The following PKM variants were observed in gnomAD, a reference collection of about 807,000 sequenced individuals.
PKM encodes pyruvate kinase M1/2, also known as pyruvate kinase PKM.
In PKM, 18 loss-of-function variants were observed where a neutral mutation model predicts 49.8. The observed-to-expected ratio is 0.36, with a 90% CI of 0.25 to 0.54. The LOEUF (loss-of-function observed/expected upper bound fraction) is 0.54. Among genes scored for constraint, PKM ranks in the 20% least tolerant of loss-of-function variants. PKM has a pLI of 0.89. For missense variants in PKM, 508 were observed against 713.8 expected, an observed-to-expected ratio of 0.71 and a Z score of 3.28; for synonymous variants, 239 against 261.8, an observed-to-expected ratio of 0.91 and a Z score of 0.84.
chr15:72,205,189 C>A (rs1373549495), intron 8 of PKM, among the ~76,000 whole-genome samples: 1 of 152,054 alleles, frequency 6.6e-6, no homozygotes, highest in Non-Finnish European at 1.5e-5. Flanking sequence ...TCTTGGCTCA[C>A]TGCAACCTCA....
Position 72,206,852 on chromosome 15 carries a change from C to T in PKM, c.1016G>A (p.Arg339His), listed in dbSNP as rs2959910. ...QMLESMIKKP[R>H]PTRAEGSDVA... ...ATCACTGCCTTCAGCCCGAGTGGGG[C>T]GGGGCTTCTTGATCATGCTCTCCAG... The change falls in exon 8 of 11, where the codon CGC (arginine) becomes CAC (histidine). Residue 339 changes from arginine (R) to histidine (H), a missense_variant. Transcript: ENST00000335181. The T allele has an allele frequency of 3.7e-6, 6 of 1,614,132 alleles. No homozygotes were observed. The Admixed American group carries it at 5.0e-5, about 13-fold the overall frequency.
At chr15:72,217,652 C>A (rs1363113028) in intron 2 of PKM, 152 bp from the exon 3 acceptor site, 2 of 648,308 alleles carry the variant, frequency 3.1e-6, no homozygotes, top group Non-Finnish European at 5.6e-6. Context: ...AAGGCTACTA[C>A]CGTGCCAGCT....
chr15:72,206,553 G>T (rs754414574), intron 8 of PKM, 175 bp downstream of exon 8: 2 of 550,784 alleles, frequency 3.6e-6, no homozygotes, highest in Non-Finnish European at 6.3e-6. Flanking sequence ...CAGAACAGGA[G>T]AAAAAAAAAA....
At chr15:72,226,067 ACC>A (rs1323631058) in intron 1 of PKM, among the ~76,000 whole-genome samples, 3 of 152,232 alleles carry the variant, frequency 2.0e-5, no homozygotes, top group Non-Finnish European at 4.4e-5. Flanking sequence ...AAAGAGGGAT[ACC>A]CAGATAGTTT....
intron 1 of PKM, among the ~76,000 whole-genome samples, chr15:72,222,772 C>T (rs970003839): frequency 6.6e-6 from 1 of 152,160 alleles, no homozygotes; most frequent in African/African-American, 2.4e-5. Flanking sequence ...TCCTCAGAGC[C>T]ATGTCTCCTC....
At chr15:72,214,781 C>T (rs542378250) in intron 3 of PKM, among the ~76,000 whole-genome samples, 1 of 152,038 alleles carries the variant, frequency 6.6e-6, no homozygotes, top group South Asian at 2.1e-4. Context: ...GATGACAGAG[C>T]GAGACTCCCT....
intron 8 of PKM, among the ~76,000 whole-genome samples, chr15:72,205,663 CA>C (rs2082057895): frequency 9.4e-6 from 1 of 106,102 alleles, no homozygotes; most frequent in African/African-American, 3.8e-5. Flanking sequence ...TTTCTGGTGG[CA>C]GGGGGTGGCG....
At chr15:72,209,036 CA>C (rs1380768167) in intron 5 of PKM, 145 bp from the exon 6 acceptor site, 5 of 832,430 alleles carry the variant, frequency 6.0e-6, no homozygotes, top group Non-Finnish European at 9.8e-6. Context: ...AAACCTACTA[CA>C]CTGTGTAATC....
intron 5 of PKM, chr15:72,209,400 T>C (rs1197774200): frequency 0.077 from 372 of 4,848 alleles, 3 homozygotes; most frequent in African/African-American, 0.11. Context: ...GAAACAAATA[T>C]ATATATATAT....
intron 8 of PKM, chr15:72,204,008 A>C (rs760555791): frequency 2.0e-5 from 3 of 152,250 alleles, no homozygotes; most frequent in Non-Finnish European, 2.9e-5. Context: ...ATCTCAGTAA[A>C]TGATGGGTGA....
chr15:72,200,570 G>T lies in PKM; in HGVS notation c.1393C>A (p.Leu465Met), dbSNP rs756647275. 4.3e-6 allele frequency: 7 copies of T among 1,613,928 alleles called. No individual in the cohort carries two copies. The Admixed American group carries it at 1.2e-4, about 27-fold the overall frequency. ...AGCACAGGGAAGATGCCACGGTACA[G>T]GTGGGCCTGACGAGCTGTCTGGGGA... is the stretch of plus-strand genomic sequence containing the variant. Reference protein sequence around the residue: ...RNPQTARQAHLYRGIFPVLCK... With the variant: ...RNPQTARQAHMYRGIFPVLCK... Residue 465 changes from leucine (L) to methionine (M), a missense_variant, in exon 10 of 11, where the codon CTG becomes ATG. Leu to Met is a conservative substitution (Grantham distance 15). Transcript: ENST00000335181. The surrounding 1 kb of genome is among the most constrained non-coding windows in gnomAD (Gnocchi z 4.6).
rs769952543 is a variant in PKM, at chr15:72,199,388, C to T, written c.*262G>A. On this transcript the variant is annotated 3_prime_UTR_variant, in exon 11 of 11. Transcript: ENST00000335181. ...GCTGTCACCCTCTTGCCATCTGGCT[C>T]CAGGGGCCTCCAGTCCAGCATTCCT... is the stretch of plus-strand genomic sequence containing the variant. 3.6e-5 allele frequency: 24 copies of T among 663,202 alleles called. 1 individual carries two copies. The South Asian group carries it at 3.6e-4, about 10-fold the overall frequency. The allele number at this position is 663,202 out of a possible 1,614,324, so 41.1% of individuals were successfully genotyped here.
intron 8 of PKM, among the ~76,000 whole-genome samples, chr15:72,205,566 G>C (rs764761349): frequency 8.0e-5 from 12 of 150,648 alleles, no homozygotes; most frequent in Non-Finnish European, 1.3e-4. Context: ...TTTAAGCCCA[G>C]TAACAGGATA....
intron 1 of PKM, among the ~76,000 whole-genome samples, chr15:72,224,511 G>A (rs1196329382): frequency 2.6e-5 from 4 of 151,978 alleles, no homozygotes; most frequent in Admixed American, 6.6e-5. Context: ...TCTATGTTAC[G>A]AATTAAAGAA....
intron 8 of PKM, among the ~76,000 whole-genome samples, chr15:72,204,728 G>A (rs1369654200): frequency 6.6e-6 from 1 of 152,196 alleles, no homozygotes; most frequent in Non-Finnish European, 1.5e-5. Flanking sequence ...TTTTACAGAT[G>A]AGGTCTTAAG....
chr15:72,209,827 T>G lies in PKM; in HGVS notation c.411A>C (p.Gly137=), dbSNP rs746252445. The G allele has an allele frequency of 6.2e-7, 1 of 1,614,078 alleles. No individual in the cohort carries two copies. The highest frequency in any genetic ancestry group is 8.5e-7 in the Non-Finnish European group (1 of 1,180,014). Residue 137 remains glycine, a synonymous_variant, in exon 5 of 11, where the codon GGA becomes GGC. Coordinates refer to ENST00000335181, the MANE Select transcript of PKM (RefSeq NM_002654.6). ...TATCCAGCGTGATTTTGAGAGTGGC[T>G]CCCTTCTTCAGCTCCACCTCTGCAG... ...SGTAEVELKK[G]ATLKITLDNA...
In PKM at chr15:72,206,763, C is replaced by A; in HGVS notation, c.1105G>T (p.Asp369Tyr). 1 of 1,613,948 alleles carries A rather than the reference C, an allele frequency of 6.2e-7. No individual in the cohort carries two copies. Among genetic ancestry groups the A allele is most frequent in the Non-Finnish European group, 8.5e-7 (1 of 1,180,044 alleles). ...ATGCGCACAGCCTCCAGAGGATAGT[C>A]CCCTTTGGCTGTTTCTCCAGACAGC... Reference protein sequence around the residue: ...IMLSGETAKGDYPLEAVRMQH... With the variant: ...IMLSGETAKGYYPLEAVRMQH... Residue 369 changes from aspartate to tyrosine, a missense_variant, in exon 8 of 11, where the codon GAC becomes TAC. Coordinates refer to ENST00000335181, the MANE Select transcript of PKM (RefSeq NM_002654.6).
intron 1 of PKM, among the ~76,000 whole-genome samples, chr15:72,224,922 CTTTT>C (rs144572779): frequency 1.2e-4 from 10 of 81,596 alleles, no homozygotes; most frequent in Non-Finnish European, 2.5e-4. Flanking sequence ...TTTCTTTTTT[CTTTT>C]TTTTTTTTTT....
At chr15:72,221,082 A>C in intron 1 of PKM, 1 of 784,666 alleles carries the variant, frequency 1.3e-6, no homozygotes. Context: ...CTCTTTTTAA[A>C]AACCATCAGC....
Sources: gnomAD v4.1 joint callset for allele counts (sites outside exome capture counted in the v4.1 genomes callset) on GRCh38, gnomAD v4.1.1 for gene constraint, Gnocchi (gnomAD v3.1) non-coding constraint, MANE v1.5 for transcripts, NCBI Gene and HGNC (gene_info 2026-07-23, HGNC 2026-07-21) for gene names.